The following TRPM1 variants were observed in gnomAD, a reference collection of about 807,000 sequenced individuals.
TRPM1 encodes the protein TRPM1-203 APA Isoform, Intron 10.
A neutral mutation model predicts 149.4 loss-of-function variants in TRPM1; 113 were observed. The ratio of observed to expected loss-of-function variants is 0.76; its 90% CI spans 0.65 to 0.88. The LOEUF (loss-of-function observed/expected upper bound fraction) is 0.88. TRPM1 is among the 40% of genes least tolerant of loss of function. The pLI, the probability that TRPM1 is intolerant of heterozygous loss-of-function variation, is 0.00. For synonymous variants in TRPM1, 741 were observed against 759.5 expected, an observed-to-expected ratio of 0.98 and a Z score of 0.40; for missense variants, 1,976 against 2,038.7, an observed-to-expected ratio of 0.97 and a Z score of 0.59.
chr15:31,037,232 G>A (rs1169729052), intron 20 of TRPM1, among the ~76,000 whole-genome samples: 2 of 152,238 alleles, frequency 1.3e-5, no homozygotes, highest in Admixed American at 6.5e-5. Context: ...AGCCAAGCGG[G>A]TCAGTTTGGT....
intron 17 of TRPM1, among the ~76,000 whole-genome samples, 197 bp downstream of exon 17, chr15:31,041,754 C>T (rs964280850): frequency 1.3e-5 from 2 of 152,302 alleles, no homozygotes; most frequent in East Asian, 3.9e-4. Context: ...GAAGGCAGTA[C>T]ACAAAAACAA....
intron 1 of TRPM1, among the ~76,000 whole-genome samples, chr15:31,117,689 C>T: frequency 6.7e-6 from 1 of 150,282 alleles, no homozygotes; most frequent in Non-Finnish European, 1.5e-5. Flanking sequence ...CACACACACA[C>T]ACACACACAC....
chr15:31,061,372 G>T, intron 10 of TRPM1, 70 bp downstream of exon 10: 1 of 1,476,900 alleles, frequency 6.8e-7, no homozygotes, highest in Non-Finnish European at 9.5e-7. Context: ...TCCATGGGAG[G>T]CCGGGAGGGA....
intron 17 of TRPM1, among the ~76,000 whole-genome samples, chr15:31,041,223 C>T (rs1024148790): frequency 6.6e-6 from 1 of 151,736 alleles, no homozygotes; most frequent in African/African-American, 2.4e-5. Context: ...GGGGCAATCT[C>T]GGCTCACTGC....
chr15:31,025,594 T>C (rs2032697669), intron 27 of TRPM1, among the ~76,000 whole-genome samples: 1 of 152,148 alleles, frequency 6.6e-6, no homozygotes, highest in South Asian at 2.1e-4. Context: ...CACCCTGCCC[T>C]AGTTTAGCGG....
intron 20 of TRPM1, 116 bp from the exon 21 acceptor site, chr15:31,035,790 C>A: frequency 6.8e-7 from 1 of 1,471,066 alleles, no homozygotes; most frequent in Non-Finnish European, 9.4e-7. Flanking sequence ...TCCAACTGGA[C>A]TGACTCATTG....
intron 1 of TRPM1, among the ~76,000 whole-genome samples, chr15:31,090,756 G>T (rs1397521486): frequency 6.6e-6 from 1 of 152,136 alleles, no homozygotes; most frequent in Non-Finnish European, 1.5e-5. Context: ...AGCTTTGAAA[G>T]TGGCTCTTTT....
Position 31,082,536 on chromosome 15 carries a change from G to C in TRPM1, c.-83-1098C>G, listed in dbSNP as rs146521647. ...AGGTACTAGATTTAAATGCAATCCT[G>C]GTCATTATCAAATATGACTGCCCTG... On this transcript the variant is annotated intron_variant, in intron 1 of 27. Coordinates refer to ENST00000256552, the MANE Select transcript of TRPM1 (RefSeq NM_001252024.2). Among the ~76,000 whole-genome samples, 395 of 152,170 alleles carry C rather than the reference G, an allele frequency of 2.6e-3. 3 individuals are homozygous for C. The highest frequency in any genetic ancestry group is 8.7e-3 in the African/African-American group (362 of 41,514).
At chr15:31,069,358 G>C (rs1192848467) in intron 4 of TRPM1, 9 of 924,098 alleles carry the variant, frequency 9.7e-6, no homozygotes, top group Non-Finnish European at 1.2e-5. Flanking sequence ...TAATATGTAG[G>C]GTGCCATTTC....
chr15:31,090,095 C>G (rs181551403), intron 1 of TRPM1, among the ~76,000 whole-genome samples: 1 of 152,326 alleles, frequency 6.6e-6, no homozygotes, highest in Non-Finnish European at 1.5e-5. Context: ...CTCTGCAACC[C>G]TAGCCCCTAG....
rs376707802 is a variant in TRPM1 at position 31,049,345 on chromosome 15, C to A, written c.1572+30G>T. On this transcript the variant is annotated intron_variant, in intron 13 of 27. Transcript: ENST00000256552. Reference sequence around the variant, plus strand: ...CAAACACATTTAGGTGGCTGCCTCCCGCTTCCTTCCCTTTTTCTAGAGCAC... The same window carrying A: ...CAAACACATTTAGGTGGCTGCCTCCAGCTTCCTTCCCTTTTTCTAGAGCAC... The A allele has an allele frequency of 5.6e-6, 9 of 1,614,122 alleles. 1 individual carries two copies. In the South Asian group the frequency reaches 7.7e-5, roughly 14 times the overall value.
intron 1 of TRPM1, among the ~76,000 whole-genome samples, chr15:31,089,840 C>T (rs974722044): frequency 1.3e-5 from 2 of 152,140 alleles, no homozygotes; most frequent in Non-Finnish European, 2.9e-5. Context: ...TTCTGCCTGC[C>T]CTTGTGAGTA....
chr15:31,104,745 C>T (rs572924207), upstream of TRPM1, among the ~76,000 whole-genome samples: 3 of 152,086 alleles, frequency 2.0e-5, no homozygotes, highest in African/African-American at 7.2e-5. Flanking sequence ...AGGTGCCTGC[C>T]ACCACGCCCG....
intron 1 of TRPM1, among the ~76,000 whole-genome samples, chr15:31,135,633 G>C (rs970197394): frequency 6.6e-6 from 1 of 151,802 alleles, no homozygotes; most frequent in Non-Finnish European, 1.5e-5. Context: ...CTAGTGGGAG[G>C]TGTTTGCGTC....
chr15:31,082,876 C>T (rs1425242657), intron 1 of TRPM1, among the ~76,000 whole-genome samples: 1 of 152,122 alleles, frequency 6.6e-6, no homozygotes, highest in South Asian at 2.1e-4. Flanking sequence ...AAGTCTTCCC[C>T]TGAAGGGGAG....
At chr15:31,047,812 A>C (rs2140937299) in intron 14 of TRPM1, 77 bp downstream of exon 14, 2 of 1,210,072 alleles carry the variant, frequency 1.7e-6, no homozygotes. Flanking sequence ...ATACATTTTG[A>C]AAATTTAAAA....
intron 1 of TRPM1, among the ~76,000 whole-genome samples, chr15:31,129,226 G>T (rs1170004760): frequency 1.3e-5 from 2 of 152,210 alleles, no homozygotes; most frequent in Admixed American, 6.5e-5. Context: ...CGGTCTTGAA[G>T]GTTGGCAGGA....
chr15:31,144,043 G>A (rs2036192647), intron 1 of TRPM1, among the ~76,000 whole-genome samples: 1 of 152,166 alleles, frequency 6.6e-6, no homozygotes, highest in Admixed American at 6.5e-5. Context: ...GCCTTACAGT[G>A]AGTAAAAAGT....
chr15:31,131,229 T>C (rs1354675352), intron 1 of TRPM1, among the ~76,000 whole-genome samples: 1 of 152,212 alleles, frequency 6.6e-6, no homozygotes. Flanking sequence ...GGCAGCACAG[T>C]GCTTGTGTTC....
Sources: allele counts gnomAD v4.1 joint callset (sites outside exome capture counted in the v4.1 genomes callset), GRCh38; gene constraint gnomAD v4.1.1; transcripts MANE v1.5; gene names NCBI Gene and HGNC (gene_info 2026-07-23, HGNC 2026-07-21).